PBX3: variants seen among roughly 807,000 people sequenced by gnomAD.
PBX3 encodes the protein pre-B-cell leukemia transcription factor 3.
A neutral mutation model predicts 48.5 loss-of-function variants in PBX3; 14 were observed. The observed-to-expected ratio is 0.29, with a 90% CI of 0.19 to 0.45. The LOEUF is 0.45. PBX3 is among the 20% of genes least tolerant of loss of function. The pLI is 1.00. For synonymous variants in PBX3, 210 were observed against 200.3 expected (o/e 1.05, Z -0.41); for missense variants, 386 against 546.7 (o/e 0.71, Z 2.93).
At position 125,747,518 on chromosome 9, in the gene PBX3, A is replaced by G; in HGVS notation, c.65A>G (p.Gln22Arg). 1.3e-6 allele frequency: 2 copies of G among 1,598,470 alleles called. No individual in the cohort carries two copies. The highest frequency in any genetic ancestry group is 2.7e-5 in the African/African-American group (2 of 72,774). The part of the protein sequence containing the change: ...AGVNLAGHSV[Q>R]GGMALPPPPH... ...GTGAACCTGGCTGGCCACTCGGTGC[A>G]GGGGGGCATGGCCCTGCCGCCTCCC... Residue 22 changes from glutamine to arginine, a missense_variant, in exon 1 of 9, where the codon CAG (glutamine) becomes CGG (arginine). Transcript: ENST00000373489.
At chr9:125,885,759 T>TAG (rs1443543564) in intron 2 of PBX3, among the ~76,000 whole-genome samples, 1 of 151,920 alleles carries the variant, frequency 6.6e-6, no homozygotes, top group Non-Finnish European at 1.5e-5. Flanking sequence ...CAGAGTGAAA[T>TAG]AGGCTGTTTT....
chr9:125,747,734 C>G (rs1836234361), intron 1 of PBX3, 81 bp downstream of exon 1: 1 of 1,124,346 alleles, frequency 8.9e-7, no homozygotes, highest in African/African-American at 1.6e-5. Context: ...GGGTGGCGCC[C>G]GGGGCTAGGG....
At chr9:125,805,099 G>A (rs575171851) in intron 2 of PBX3, among the ~76,000 whole-genome samples, 1 of 152,168 alleles carries the variant, frequency 6.6e-6, no homozygotes, top group South Asian at 2.1e-4. Flanking sequence ...CTTTAGATAG[G>A]TTGTTAAAAG....
chr9:125,751,010 G>GC (rs891348793), intron 2 of PBX3, among the ~76,000 whole-genome samples: 1 of 152,050 alleles, frequency 6.6e-6, no homozygotes, highest in Non-Finnish European at 1.5e-5. Context: ...CAAATTCCAA[G>GC]CCCCCCCACT....
chr9:125,893,881 G>T (rs543815206), intron 2 of PBX3, among the ~76,000 whole-genome samples: 1 of 151,856 alleles, frequency 6.6e-6, no homozygotes, highest in Non-Finnish European at 1.5e-5. Context: ...AAGAGAAAGG[G>T]CCTCCTCCTT....
intron 5 of PBX3, among the ~76,000 whole-genome samples, chr9:125,948,500 C>T (rs1229298471): frequency 1.3e-5 from 2 of 151,936 alleles, no homozygotes; most frequent in Non-Finnish European, 2.9e-5. Flanking sequence ...CAATATAACC[C>T]TTGGGTTAAT....
chr9:125,781,446 T>C (rs1588140984), intron 2 of PBX3, among the ~76,000 whole-genome samples: 1 of 149,296 alleles, frequency 6.7e-6, no homozygotes, highest in Non-Finnish European at 1.5e-5. Flanking sequence ...GGCAGGGAGG[T>C]TGCAGTGAGC....
intron 5 of PBX3, among the ~76,000 whole-genome samples, chr9:125,945,552 G>A (rs1399356838): frequency 6.6e-6 from 1 of 152,054 alleles, no homozygotes; most frequent in Non-Finnish European, 1.5e-5. Flanking sequence ...ACAATGATTT[G>A]TTAAATGCTG....
intron 2 of PBX3, among the ~76,000 whole-genome samples, chr9:125,805,654 G>C (rs112059313): frequency 0.015 from 2,303 of 152,288 alleles, 22 homozygotes; most frequent in Non-Finnish European, 0.026. Flanking sequence ...AAATATGGTT[G>C]CTTGGAAGGA....
intron 2 of PBX3, among the ~76,000 whole-genome samples, chr9:125,790,403 C>A (rs10986916): frequency 0.07 from 10,612 of 151,908 alleles, 1,161 homozygotes; most frequent in African/African-American, 0.24. Flanking sequence ...CAGGCATGCA[C>A]CACCACGCCT....
At position 125,883,453 on chromosome 9, in the gene PBX3, T is replaced by A. The variant is rs978561906; in HGVS notation, c.275-32233T>A. ...TTTCAATCATTCTTGTCAGTGGTAC[T>A]TTTTTTCATGGCCAAGTTGGTAACC... is the stretch of plus-strand genomic sequence containing the variant. On this transcript the variant is annotated intron_variant, in intron 2 of 8. Transcript: ENST00000373489. Among the ~76,000 whole-genome samples the A allele has an allele frequency of 2.6e-5, 4 of 152,318 alleles. No homozygotes were observed. The South Asian group carries it at 6.2e-4, about 24-fold the overall frequency.
At chr9:125,815,693 G>GGTGTGTGT (rs35255670) in intron 2 of PBX3, among the ~76,000 whole-genome samples, 31 of 149,492 alleles carry the variant, frequency 2.1e-4, no homozygotes, top group Non-Finnish European at 4.5e-5. Flanking sequence ...GCAGTGACTG[G>GGTGTGTGT]GTGTGTGTGT....
intron 2 of PBX3, among the ~76,000 whole-genome samples, chr9:125,856,542 G>C (rs1024860110): frequency 1.3e-5 from 2 of 152,166 alleles, no homozygotes; most frequent in Non-Finnish European, 2.9e-5. Context: ...TGGGTTAGCA[G>C]ACGTGTGGCA....
At chr9:125,934,254 A>G (rs946750655) in intron 4 of PBX3, among the ~76,000 whole-genome samples, 1 of 152,102 alleles carries the variant, frequency 6.6e-6, no homozygotes, top group African/African-American at 2.4e-5. Flanking sequence ...CACATACTTA[A>G]CCTGCCATAT....
chr9:125,889,070 A>C (rs1391281576), intron 2 of PBX3, among the ~76,000 whole-genome samples: 1 of 152,256 alleles, frequency 6.6e-6, no homozygotes, highest in African/African-American at 2.4e-5. Flanking sequence ...ACGTATTACA[A>C]TAAAATGGCC....
chr9:125,772,853 C>T (rs915980612), intron 2 of PBX3, among the ~76,000 whole-genome samples: 1 of 152,174 alleles, frequency 6.6e-6, no homozygotes, highest in African/African-American at 2.4e-5. Context: ...ATTGCTTCAG[C>T]CCAGGAGTTT....
At chr9:125,782,776 C>G (rs1005399362) in intron 2 of PBX3, among the ~76,000 whole-genome samples, 4 of 152,234 alleles carry the variant, frequency 2.6e-5, no homozygotes, top group African/African-American at 7.2e-5. Context: ...TTTGGGGTGA[C>G]TTTTAATGCT....
At chr9:125,785,169 C>G (rs1837426483) in intron 2 of PBX3, among the ~76,000 whole-genome samples, 1 of 152,130 alleles carries the variant, frequency 6.6e-6, no homozygotes, top group Non-Finnish European at 1.5e-5. Flanking sequence ...TGTGTCAGTT[C>G]TTGGGATGGT....
At chr9:125,958,473 G>C (rs570880547) in intron 5 of PBX3, among the ~76,000 whole-genome samples, 1 of 152,212 alleles carries the variant, frequency 6.6e-6, no homozygotes, top group Non-Finnish European at 1.5e-5. Context: ...GCCTAATGTT[G>C]TGATAGTCTA....
Sources: gnomAD v4.1 joint callset for allele counts (sites outside exome capture counted in the v4.1 genomes callset) on GRCh38, gnomAD v4.1.1 for gene constraint, MANE v1.5 for transcripts, NCBI Gene and HGNC (gene_info 2026-07-23, HGNC 2026-07-21) for gene names.